COL5A2: variants seen among roughly 807,000 people sequenced by gnomAD.
COL5A2 encodes collagen type V alpha 2 chain, also known as collagen alpha-2(V) chain.
A neutral mutation model predicts 208.2 loss-of-function variants in COL5A2; 23 were observed. The observed-to-expected ratio is 0.11, with a 90% CI of 0.08 to 0.16. COL5A2 has a LOEUF of 0.16. Among genes scored for constraint, COL5A2 ranks in the 10% least tolerant of loss-of-function variants. COL5A2 has a pLI of 1.00. For missense variants in COL5A2, 1,590 were observed against 1,956.4 expected (o/e 0.81, Z 3.53); for synonymous variants, 625 against 628.5 (o/e 0.99, Z 0.08).
At chr2:189,105,193 T>A (rs10931397) in intron 2 of COL5A2, among the ~76,000 whole-genome samples, 19,994 of 151,732 alleles carry the variant, frequency 0.13, 1,353 homozygotes, top group Middle Eastern at 0.19. Context: ...TTGTTACGTA[T>A]ACGCTACATG....
chr2:189,205,621 A>G (rs1689132543), intron 1 of COL5A2, among the ~76,000 whole-genome samples: 1 of 152,186 alleles, frequency 6.6e-6, no homozygotes, highest in South Asian at 2.1e-4. Flanking sequence ...AAATGGAAGC[A>G]ATGTTCCCTA....
the COL5A2 span, among the ~76,000 whole-genome samples, chr2:189,292,174 T>C: frequency 2.6e-5 from 4 of 152,182 alleles, no homozygotes; most frequent in Admixed American, 2.6e-4. Flanking sequence ...ATATATACCA[T>C]GGGTAGATGA....
chr2:189,335,862 T>C, the COL5A2 span, among the ~76,000 whole-genome samples: 1 of 152,222 alleles, frequency 6.6e-6, no homozygotes, highest in African/African-American at 2.4e-5. Flanking sequence ...TTTGTGAATA[T>C]ACTAAAAAAC....
the COL5A2 span, among the ~76,000 whole-genome samples, chr2:189,375,234 G>A: frequency 6.6e-6 from 1 of 152,160 alleles, no homozygotes; most frequent in South Asian, 2.1e-4. Flanking sequence ...GGTCAGGCTG[G>A]TCTCGAGCTC....
chr2:189,291,695 C>G, the COL5A2 span, among the ~76,000 whole-genome samples: 1 of 151,978 alleles, frequency 6.6e-6, no homozygotes, highest in Non-Finnish European at 1.5e-5. Context: ...AAGATCATTT[C>G]TCGTCATCAC....
chr2:189,215,428 G>A (rs1029646113), intron 1 of COL5A2, among the ~76,000 whole-genome samples: 3 of 151,902 alleles, frequency 2.0e-5, no homozygotes, highest in Non-Finnish European at 2.9e-5. Flanking sequence ...CCAAAATGTA[G>A]CATAAAAAAT....
chr2:189,252,699 C>T, the COL5A2 span, among the ~76,000 whole-genome samples: 18 of 151,956 alleles, frequency 1.2e-4, no homozygotes, highest in Admixed American at 1.2e-3. Flanking sequence ...CAACATGGCA[C>T]ATGTATACAT....
chr2:189,062,717 A>C (rs1432264626), intron 29 of COL5A2, 148 bp downstream of exon 29: 2 of 835,606 alleles, frequency 2.4e-6, no homozygotes, highest in Non-Finnish European at 4.0e-6. Context: ...AGAAATCAAA[A>C]GAGAAGGTAT....
chr2:189,377,353 T>C, the COL5A2 span, among the ~76,000 whole-genome samples: 1 of 152,222 alleles, frequency 6.6e-6, no homozygotes, highest in Non-Finnish European at 1.5e-5. Flanking sequence ...CCTGTATTAC[T>C]GGAGCACTTT....
intron 50 of COL5A2, among the ~76,000 whole-genome samples, chr2:189,041,123 C>A (rs1685551856): frequency 6.6e-6 from 1 of 152,142 alleles, no homozygotes; most frequent in Non-Finnish European, 1.5e-5. Context: ...TTGTATCATC[C>A]TCAAGTCAAC....
At chr2:189,045,932 T>C in intron 45 of COL5A2, 25 bp from the exon 46 acceptor site, 1 of 1,576,050 alleles carries the variant, frequency 6.3e-7, no homozygotes, top group Non-Finnish European at 8.7e-7. Context: ...CATGATATTA[T>C]TTTTTAACAT....
chr2:189,390,695 T>C, the COL5A2 span, among the ~76,000 whole-genome samples: 1 of 152,346 alleles, frequency 6.6e-6, no homozygotes, highest in African/African-American at 2.4e-5. Context: ...CATGCTCACC[T>C]ATGTTCCAAA....
the COL5A2 span, among the ~76,000 whole-genome samples, chr2:189,248,137 A>C: frequency 6.6e-6 from 1 of 152,266 alleles, no homozygotes; most frequent in African/African-American, 2.4e-5. Context: ...GTAAGTATTC[A>C]AGCCACAAAA....
At chr2:189,301,109 C>T in the COL5A2 span, among the ~76,000 whole-genome samples, 2 of 152,028 alleles carry the variant, frequency 1.3e-5, no homozygotes, top group Non-Finnish European at 2.9e-5. Context: ...TTGCTTTGAA[C>T]CCAGGAAGTA....
At chr2:189,275,238 A>G in the COL5A2 span, among the ~76,000 whole-genome samples, 1 of 152,124 alleles carries the variant, frequency 6.6e-6, no homozygotes, top group Non-Finnish European at 1.5e-5. Flanking sequence ...ATGATATTTA[A>G]TTCTTAGACT....
intron 18 of COL5A2, among the ~76,000 whole-genome samples, chr2:189,070,964 T>G (rs1686262053): frequency 6.6e-6 from 1 of 152,208 alleles, no homozygotes; most frequent in Non-Finnish European, 1.5e-5. Flanking sequence ...TTTGAATATG[T>G]CATTAGAGAG....
chr2:189,378,450 C>T, the COL5A2 span, among the ~76,000 whole-genome samples: 5 of 152,186 alleles, frequency 3.3e-5, no homozygotes, highest in South Asian at 2.1e-4. Flanking sequence ...AGCGGCCGGG[C>T]GCGGTGGCTC....
At chr2:189,173,271 C>T (rs1688609718) in intron 1 of COL5A2, among the ~76,000 whole-genome samples, 1 of 152,038 alleles carries the variant, frequency 6.6e-6, no homozygotes, top group Admixed American at 6.6e-5. Context: ...ACACACCCAG[C>T]CTCTATCTTC....
intron 2 of COL5A2, among the ~76,000 whole-genome samples, chr2:189,105,444 A>G (rs1346973224): frequency 1.3e-5 from 2 of 151,606 alleles, no homozygotes; most frequent in Admixed American, 1.3e-4. Flanking sequence ...TCATTCACAT[A>G]TTTTATTATG....
Sources: allele counts gnomAD v4.1 joint callset (sites outside exome capture counted in the v4.1 genomes callset), GRCh38; gene constraint gnomAD v4.1.1; transcripts MANE v1.5; gene names NCBI Gene and HGNC (gene_info 2026-07-23, HGNC 2026-07-21).